MBTPS1: variants seen among roughly 807,000 people sequenced by gnomAD.
MBTPS1 encodes membrane-bound transcription factor site-1 protease.
A neutral mutation model predicts 127.8 loss-of-function variants in MBTPS1; 94 were observed. The ratio of observed to expected loss-of-function variants is 0.74; its 90% CI spans 0.62 to 0.87. MBTPS1 has a LOEUF of 0.87. MBTPS1 is among the 40% of genes least tolerant of loss of function. MBTPS1 has a pLI of 0.00. For synonymous variants in MBTPS1, 632 were observed against 509.4 expected, an observed-to-expected ratio of 1.24 and a Z score of -3.24; for missense variants, 1,636 against 1,353.2, an observed-to-expected ratio of 1.21 and a Z score of -3.28.
chr16:84,103,107 G>T (rs927466452), intron 1 of MBTPS1, among the ~76,000 whole-genome samples: 1 of 152,120 alleles, frequency 6.6e-6, no homozygotes, highest in African/African-American at 2.4e-5. Flanking sequence ...AAAACAGAGC[G>T]ATAGTAAAGA....
intron 11 of MBTPS1, among the ~76,000 whole-genome samples, chr16:84,075,900 G>A (rs944254521): frequency 1.3e-5 from 2 of 152,154 alleles, no homozygotes; most frequent in African/African-American, 4.8e-5. Flanking sequence ...AATCCTGAAT[G>A]GATCGGCCAT....
rs1036628349 is a variant in MBTPS1, at chr16:84,116,857, A to C, written c.-447T>G. On this transcript the variant is annotated 5_prime_UTR_variant, in exon 1 of 23. Coordinates refer to ENST00000343411, the MANE Select transcript of MBTPS1 (RefSeq NM_003791.4). ...TCTCGCGAGACTGGGCGACCGGGCC[A>C]GCGAGGCCCACAGCTGGGAGCCTCA... 2.0e-5 allele frequency: 3 copies of C among 152,256 alleles called. No individual in the cohort carries two copies. The highest frequency in any genetic ancestry group is 4.4e-5 in the Non-Finnish European group (3 of 68,082). The allele number at this position is 152,256 out of a possible 1,614,324, so 9.4% of individuals were successfully genotyped here.
chr16:84,104,933 C>CAA (rs34579181), intron 1 of MBTPS1, among the ~76,000 whole-genome samples: 1 of 145,318 alleles, frequency 6.9e-6, no homozygotes, highest in African/African-American at 2.5e-5. Flanking sequence ...CCAACCGACC[C>CAA]AAAAAAAAAA....
At chr16:84,065,896 G>A (rs1262857319) in intron 17 of MBTPS1, 129 bp from the exon 18 acceptor site, 1 of 539,906 alleles carries the variant, frequency 1.9e-6, no homozygotes, top group East Asian at 3.3e-5. Flanking sequence ...TAATCTTGAG[G>A]GAGGAGCTGC....
intron 1 of MBTPS1, among the ~76,000 whole-genome samples, chr16:84,110,074 G>C (rs2086378481): frequency 6.6e-6 from 1 of 152,130 alleles, no homozygotes; most frequent in Non-Finnish European, 1.5e-5. Flanking sequence ...ACCTGCCAAG[G>C]ACGCATGAGG....
chr16:84,069,662 T>G (rs2085741638), intron 14 of MBTPS1, among the ~76,000 whole-genome samples: 1 of 152,192 alleles, frequency 6.6e-6, no homozygotes, highest in Non-Finnish European at 1.5e-5. Flanking sequence ...TTCAAGCTTT[T>G]TACTGCATAA....
intron 18 of MBTPS1, among the ~76,000 whole-genome samples, chr16:84,065,404 T>A (rs73243070): frequency 6.6e-6 from 1 of 152,140 alleles, no homozygotes; most frequent in African/African-American, 2.4e-5. Context: ...TCAAGTAATA[T>A]TGCAATAAAT....
intron 20 of MBTPS1, chr16:84,060,046 C>T (rs954285175): frequency 6.6e-6 from 1 of 152,640 alleles, no homozygotes; most frequent in Non-Finnish European, 1.5e-5. Flanking sequence ...CATGAGCCTT[C>T]TACGGGCAGC....
intron 22 of MBTPS1, among the ~76,000 whole-genome samples, chr16:84,055,242 G>C (rs570456198): frequency 1.1e-4 from 17 of 152,352 alleles, no homozygotes; most frequent in Admixed American, 8.5e-4. Flanking sequence ...TGACCTATGC[G>C]CAAGGCCCTC....
chr16:84,070,752 G>C lies in MBTPS1; in HGVS notation c.1618C>G (p.Gln540Glu), dbSNP rs377440160. The C allele has an allele frequency of 6.2e-7, 1 of 1,612,094 alleles. No individual in the cohort carries two copies. The highest frequency in any genetic ancestry group is 1.3e-5 in the African/African-American group (1 of 74,834). Residue 540 changes from glutamine (Q) to glutamate (E), a missense_variant, in exon 13 of 23, where the codon CAG becomes GAG. Gln to Glu is a conservative substitution (Grantham distance 29). Coordinates refer to ENST00000343411, the MANE Select transcript of MBTPS1 (RefSeq NM_003791.4). ...GCAACTTCAATGTTGTCTCCGTTCTGTGGCAAATAGGGCTGCCAGTCAGGC... is the reference window on the plus strand; with the variant it reads ...GCAACTTCAATGTTGTCTCCGTTCTCTGGCAAATAGGGCTGCCAGTCAGGC... ...DKPDWQPYLP[Q>E]NGDNIEVAFS...
chr16:84,114,902 C>T (rs2086450462), intron 1 of MBTPS1, among the ~76,000 whole-genome samples: 1 of 151,868 alleles, frequency 6.6e-6, no homozygotes, highest in African/African-American at 2.4e-5. Flanking sequence ...GTACAGTTCA[C>T]CTTAGCCTTC....
chr16:84,063,524 T>TG, intron 18 of MBTPS1, 79 bp from the exon 19 acceptor site: 1 of 1,362,816 alleles, frequency 7.3e-7, no homozygotes, highest in Non-Finnish European at 1.0e-6. Flanking sequence ...TTCATCCACG[T>TG]GACAAATAAA....
chr16:84,081,682 G>A, intron 11 of MBTPS1, 65 bp downstream of exon 11: 2 of 1,216,120 alleles, frequency 1.6e-6, no homozygotes, highest in Non-Finnish European at 2.1e-6. Flanking sequence ...ATTTTGTGCA[G>A]AGGGAAAATT....
chr16:84,068,195 G>A (rs1227740101), intron 15 of MBTPS1, 144 bp downstream of exon 15: 4 of 642,908 alleles, frequency 6.2e-6, no homozygotes, highest in Non-Finnish European at 1.1e-5. Flanking sequence ...TCAGAGCCTC[G>A]CCCCAGGCTC....
intron 1 of MBTPS1, among the ~76,000 whole-genome samples, chr16:84,112,190 A>C (rs2086406753): frequency 6.6e-6 from 1 of 152,076 alleles, no homozygotes; most frequent in Non-Finnish European, 1.5e-5. Context: ...CAATGGAGAG[A>C]CTGTCTCAAA....
intron 11 of MBTPS1, among the ~76,000 whole-genome samples, chr16:84,076,703 A>G (rs1375901753): frequency 6.6e-6 from 1 of 152,260 alleles, no homozygotes; most frequent in African/African-American, 2.4e-5. Context: ...AAACTTACCA[A>G]GAAATGTGTA....
chr16:84,085,166 T>C lies in MBTPS1; in HGVS notation c.1135-32A>G, dbSNP rs771786803. 18 of 1,610,616 alleles carry C rather than the reference T, an allele frequency of 1.1e-5. No individual in the cohort carries two copies. The Admixed American group carries it at 3.0e-4, about 27-fold the overall frequency. ...ATAAAAGCAGCTTGGTTGCTACATC[T>C]CGCACATTGGCATACAGCCGCATGC... is the stretch of plus-strand genomic sequence containing the variant. On this transcript the variant is annotated intron_variant, in intron 9 of 22. Transcript: ENST00000343411.
intron 22 of MBTPS1, among the ~76,000 whole-genome samples, chr16:84,055,336 C>T (rs974952755): frequency 6.6e-6 from 1 of 152,162 alleles, no homozygotes; most frequent in Non-Finnish European, 1.5e-5. Flanking sequence ...CTGGACAATT[C>T]CTGGAACCCA....
intron 21 of MBTPS1, chr16:84,057,771 G>C (rs1396378097): frequency 6.6e-6 from 1 of 152,222 alleles, no homozygotes; most frequent in Non-Finnish European, 1.5e-5. Context: ...TGAGAAGAAG[G>C]AATTACTGAG....
Sources: allele counts gnomAD v4.1 joint callset (sites outside exome capture counted in the v4.1 genomes callset), GRCh38; gene constraint gnomAD v4.1.1; transcripts MANE v1.5; gene names NCBI Gene and HGNC (gene_info 2026-07-23, HGNC 2026-07-21).